Variants in PRRX2 observed in about 807,000 individuals in gnomAD.
PRRX2 encodes paired mesoderm homeobox protein 2.
A neutral mutation model predicts 18.0 loss-of-function variants in PRRX2; 11 were observed. That is an observed-to-expected ratio of 0.61 (90% CI 0.39 to 1.01). The LOEUF (loss-of-function observed/expected upper bound fraction) is 1.01, where lower values mean the gene tolerates loss of function less well. PRRX2 is among the 50% of genes least tolerant of loss of function. The probability of loss-of-function intolerance (pLI) is 0.01; values close to 1 mark genes in which losing one functional copy is unlikely to be tolerated. For synonymous variants in PRRX2, 177 were observed against 154.8 expected, an observed-to-expected ratio of 1.14 and a Z score of -1.06; for missense variants, 387 against 351.0, an observed-to-expected ratio of 1.10 and a Z score of -0.82.
At chr9:129,714,402 CAAA>C (rs144863124) in intron 1 of PRRX2, among the ~76,000 whole-genome samples, 12 of 102,474 alleles carry the variant, frequency 1.2e-4, no homozygotes, top group African/African-American at 1.6e-4. Context: ...TACTCTGTCT[CAAA>C]AAAAAAAAAA....
Position 129,666,135 on chromosome 9 carries a change from G to C in PRRX2, c.259+9G>C. On this transcript the variant is annotated intron_variant, in intron 1 of 3. Transcript: ENST00000372469. ...GGCGGCGCCGCAGGATGGTGAGTAC[G>C]GCCGGCCAGGGACGGGGGTGGCGGG... 8 of 999,716 alleles carry C rather than the reference G, an allele frequency of 8.0e-6. No individual in the cohort carries two copies. Among genetic ancestry groups the C allele is most frequent in the Non-Finnish European group, 8.3e-6 (7 of 839,756 alleles). The allele number at this position is 999,716 out of a possible 1,614,324, so 61.9% of individuals were successfully genotyped here. A position where few individuals can be genotyped will look rare whatever the true frequency, so the allele number is the denominator to read the frequency against.
At chr9:129,678,051 C>T (rs900334543) in intron 1 of PRRX2, among the ~76,000 whole-genome samples, 1 of 150,948 alleles carries the variant, frequency 6.6e-6, no homozygotes, top group Non-Finnish European at 1.5e-5. Context: ...ACAACCTCCG[C>T]CTCCAGGGTT....
At chr9:129,701,440 G>A (rs777663520) in intron 1 of PRRX2, among the ~76,000 whole-genome samples, 23 of 152,334 alleles carry the variant, frequency 1.5e-4, no homozygotes, top group Non-Finnish European at 3.2e-4. Flanking sequence ...GTCTCACAGA[G>A]CTCACAGAGC....
At chr9:129,711,230 TC>T (rs907018249) in intron 1 of PRRX2, among the ~76,000 whole-genome samples, 2 of 152,052 alleles carry the variant, frequency 1.3e-5, no homozygotes, top group African/African-American at 4.8e-5. Context: ...CTCTCTGAGT[TC>T]CAATCCCAGC....
At chr9:129,680,175 G>A (rs1455496248) in intron 1 of PRRX2, among the ~76,000 whole-genome samples, 1 of 152,038 alleles carries the variant, frequency 6.6e-6, no homozygotes, top group Non-Finnish European at 1.5e-5. Context: ...GCTGAGAAGG[G>A]TGGATCACCT....
intron 1 of PRRX2, among the ~76,000 whole-genome samples, chr9:129,676,179 C>T (rs1368263122): frequency 4.6e-5 from 7 of 152,182 alleles, no homozygotes; most frequent in Non-Finnish European, 1.0e-4. Flanking sequence ...TTGCTGAGAG[C>T]CCATGTCTGA....
intron 1 of PRRX2, among the ~76,000 whole-genome samples, chr9:129,701,628 T>C (rs1832498347): frequency 6.6e-6 from 1 of 152,214 alleles, no homozygotes; most frequent in African/African-American, 2.4e-5. Context: ...CCTGGGTGTG[T>C]CTGATCACAA....
At chr9:129,693,159 A>G (rs1288763519) in intron 1 of PRRX2, among the ~76,000 whole-genome samples, 2 of 152,154 alleles carry the variant, frequency 1.3e-5, no homozygotes, top group Non-Finnish European at 2.9e-5. Flanking sequence ...GATACGGTGT[A>G]TCTTTCATAT....
At chr9:129,693,045 T>G (rs1488876481) in intron 1 of PRRX2, among the ~76,000 whole-genome samples, 1 of 152,190 alleles carries the variant, frequency 6.6e-6, no homozygotes, top group East Asian at 1.9e-4. Context: ...TTGCCCCACA[T>G]CTTCGCCAGC....
At chr9:129,682,326 C>T (rs1588164246) in intron 1 of PRRX2, among the ~76,000 whole-genome samples, 2 of 113,000 alleles carry the variant, frequency 1.8e-5, no homozygotes, top group African/African-American at 7.3e-5. Context: ...TGCTGCTGTG[C>T]GCACTATGTT....
At chr9:129,705,985 C>A (rs1292685228) in intron 1 of PRRX2, among the ~76,000 whole-genome samples, 2 of 152,112 alleles carry the variant, frequency 1.3e-5, no homozygotes, top group Non-Finnish European at 2.9e-5. Context: ...CTCCTCACCC[C>A]CTGTCACCTC....
intron 1 of PRRX2, among the ~76,000 whole-genome samples, chr9:129,714,849 AAG>A (rs1162731546): frequency 6.6e-6 from 1 of 152,116 alleles, no homozygotes; most frequent in Non-Finnish European, 1.5e-5. Flanking sequence ...GTGTGTGCCC[AAG>A]AGGAACTGCC....
intron 1 of PRRX2, among the ~76,000 whole-genome samples, chr9:129,713,850 C>T (rs944094891): frequency 1.3e-5 from 2 of 148,626 alleles, no homozygotes; most frequent in African/African-American, 4.9e-5. Context: ...ACCATGTTGG[C>T]CAGGCTAGTC....
chr9:129,704,429 C>A (rs1315574535), intron 1 of PRRX2, among the ~76,000 whole-genome samples: 1 of 152,144 alleles, frequency 6.6e-6, no homozygotes, highest in East Asian at 1.9e-4. Context: ...CAATTTTTCT[C>A]ATTCTCAGAT....
chr9:129,692,519 G>A (rs1205667853), intron 1 of PRRX2, among the ~76,000 whole-genome samples: 9 of 152,136 alleles, frequency 5.9e-5, no homozygotes, highest in Non-Finnish European at 1.5e-5. Flanking sequence ...CACCCAGAGT[G>A]GCTTCACTGC....
chr9:129,706,237 T>C (rs1160712937), intron 1 of PRRX2, among the ~76,000 whole-genome samples: 1 of 151,642 alleles, frequency 6.6e-6, no homozygotes, highest in Non-Finnish European at 1.5e-5. Context: ...CTTGAGGCCA[T>C]GAGTTTGAGA....
intron 1 of PRRX2, among the ~76,000 whole-genome samples, chr9:129,711,357 A>G (rs1348345951): frequency 6.7e-6 from 1 of 150,206 alleles, no homozygotes; most frequent in Non-Finnish European, 1.5e-5. Context: ...TGAGGGTTAA[A>G]TGAGGTAGAT....
chr9:129,720,689 G>A lies in PRRX2; in HGVS notation c.541G>A (p.Glu181Lys). ...CTCGCTGCTCAAGTCCTACAGCCAG[G>A]AGGCCGCCATCGAGCAGCCCGTGGC... Reference protein sequence around the residue: ...SASLLKSYSQEAAIEQPVAPR... With the variant: ...SASLLKSYSQKAAIEQPVAPR... The change falls in exon 3 of 4, where the codon GAG becomes AAG. Residue 181 changes from glutamate (E) to lysine (K), a missense_variant. Glu to Lys is a moderately conservative substitution (Grantham distance 56). Transcript: ENST00000372469. The A allele has an allele frequency of 6.2e-7, 1 of 1,613,436 alleles. No homozygotes were observed. Among genetic ancestry groups the A allele is most frequent in the Non-Finnish European group, 8.5e-7 (1 of 1,179,866 alleles).
At chr9:129,719,130 C>G (rs913156807) in intron 1 of PRRX2, 101 bp from the exon 2 acceptor site, 1 of 1,152,668 alleles carries the variant, frequency 8.7e-7, no homozygotes, top group East Asian at 2.8e-5. Flanking sequence ...TTCCTGGCGG[C>G]GGCACTAAAG....
Sources: gnomAD v4.1 joint callset for allele counts (sites outside exome capture counted in the v4.1 genomes callset) on GRCh38, gnomAD v4.1.1 for gene constraint, MANE v1.5 for transcripts, NCBI Gene and HGNC (gene_info 2026-07-23, HGNC 2026-07-21) for gene names.